TARBP1: variants seen among roughly 807,000 people sequenced by gnomAD.
TARBP1 encodes tRNA guanosine 2 -O-methyltransferase TARBP1, also known as tRNA (guanosine(18)-2'-O)-methyltransferase TARBP1.
TARBP1 carries 144 observed loss-of-function variants against 178.6 expected under a neutral mutation model. The observed-to-expected ratio is 0.81, with a 90% CI of 0.70 to 0.93. TARBP1 has a LOEUF of 0.93. Ranked by LOEUF, TARBP1 falls within the 40% of genes least tolerant of loss-of-function variation. TARBP1 has a pLI of 0.00. For synonymous variants in TARBP1, 787 were observed against 781.0 expected (o/e 1.01, Z -0.13); for missense variants, 2,067 against 2,011.7 (o/e 1.03, Z -0.53).
Position 234,401,449 on chromosome 1 carries a change from A to C in TARBP1, c.3990-187T>G, listed in dbSNP as rs146798381. ...ATACTTTAAAAACTGACACTTAATA[A>C]ATTTCACATTTTGAAATGGAACCTT... On this transcript the variant is annotated intron_variant, in intron 24 of 29. Coordinates refer to ENST00000040877, the MANE Select transcript of TARBP1 (RefSeq NM_005646.4). 1.8e-3 allele frequency among the ~76,000 whole-genome samples: 271 copies of C among 152,298 alleles called. 2 individuals carry two copies. Among genetic ancestry groups the C allele is most frequent in the African/African-American group, 6.2e-3 (259 of 41,572 alleles).
chr1:234,401,107 T>C, intron 25 of TARBP1, 74 bp downstream of exon 25: 1 of 1,293,502 alleles, frequency 7.7e-7, no homozygotes, highest in Non-Finnish European at 1.1e-6. Context: ...ATCACAACCC[T>C]TCAACAAAAG....
At chr1:234,477,402 T>C (rs1571901333) in intron 1 of TARBP1, among the ~76,000 whole-genome samples, 2 of 152,362 alleles carry the variant, frequency 1.3e-5, no homozygotes, top group East Asian at 1.9e-4. Context: ...TTACCTGTAA[T>C]AAATGGTCAG....
Position 234,405,844 on chromosome 1 carries a change from C to T in TARBP1, c.3989+59G>A, listed in dbSNP as rs1196013359. The T allele has an allele frequency of 5.9e-6, 9 of 1,514,478 alleles. No homozygotes were observed. In the East Asian group the frequency reaches 1.6e-4, roughly 27 times the overall value. 93.8% of individuals were successfully genotyped at this position (1,514,478 alleles called of 1,614,324 possible). On this transcript the variant is annotated intron_variant, in intron 24 of 29. Transcript: ENST00000040877. ...GCTGACACAGTATGGGCACTGCCCC[C>T]TCCCTGTGGGCCCTGCTGGAGGAGA...
At chr1:234,446,219 T>C (rs1003809790) in intron 12 of TARBP1, among the ~76,000 whole-genome samples, 8 of 152,222 alleles carry the variant, frequency 5.3e-5, no homozygotes, top group African/African-American at 2.4e-5. Flanking sequence ...CTCTCATCTC[T>C]GATGTCTACG....
chr1:234,402,071 T>C (rs1459739928), intron 24 of TARBP1, among the ~76,000 whole-genome samples: 5 of 152,200 alleles, frequency 3.3e-5, no homozygotes, highest in Non-Finnish European at 7.3e-5. Context: ...CCTTCAGCCT[T>C]TTCAAAAGGG....
rs542563575 is a variant in TARBP1 at position 234,403,434 on chromosome 1, C to T, written c.3990-2172G>A. Among the ~76,000 whole-genome samples, 5 of 152,306 alleles carry T rather than the reference C, an allele frequency of 3.3e-5. 1 individual carries two copies. In the South Asian group the frequency reaches 1.0e-3, roughly 32 times the overall value. On this transcript the variant is annotated intron_variant, in intron 24 of 29. Transcript: ENST00000040877. ...AACAGTCTGTATTTCCTCATCACCA[C>T]ATTTACTTTTCTGTGATTTATTTTA...
intron 20 of TARBP1, among the ~76,000 whole-genome samples, chr1:234,423,339 T>G (rs1421203593): frequency 6.6e-6 from 1 of 152,160 alleles, no homozygotes; most frequent in Admixed American, 6.5e-5. Flanking sequence ...TTTCCCTCTC[T>G]ACTGCACCAC....
chr1:234,464,823 T>C (rs1264460508), intron 5 of TARBP1, among the ~76,000 whole-genome samples: 3 of 152,210 alleles, frequency 2.0e-5, no homozygotes, highest in Non-Finnish European at 2.9e-5. Flanking sequence ...AGGGAAATTT[T>C]TGAAGACAGA....
chr1:234,406,716 G>A (rs1024934827), intron 23 of TARBP1: 1 of 152,288 alleles, frequency 6.6e-6, no homozygotes, highest in Admixed American at 6.5e-5. Flanking sequence ...TTCACAGCCT[G>A]GAGATGTCAA....
chr1:234,394,577 T>C (rs1659724126), intron 26 of TARBP1, among the ~76,000 whole-genome samples: 1 of 152,150 alleles, frequency 6.6e-6, no homozygotes, highest in African/African-American at 2.4e-5. Flanking sequence ...AAGGGGTTAC[T>C]AATGTCTAGG....
At position 234,410,474 on chromosome 1, in the gene TARBP1, C is replaced by G; in HGVS notation, c.3763G>C (p.Asp1255His). 6.6e-7 allele frequency: 1 copy of G among 1,519,324 alleles called. No individual in the cohort carries two copies. The highest frequency in any genetic ancestry group is 9.0e-7 in the Non-Finnish European group (1 of 1,108,192). 94.1% of individuals were successfully genotyped at this position (1,519,324 alleles called of 1,614,324 possible). A position where few individuals can be genotyped will look rare whatever the true frequency, so the allele number is the denominator to read the frequency against. Reference protein sequence around the residue: ...CTFLAVLSHLDIITQNIPEKK... With the variant: ...CTFLAVLSHLHIITQNIPEKK... The stretch of plus-strand genomic sequence containing the variant: ...TCTGGAATATTTTGAGTAATAATGT[C>G]TAAATGTGATAAAACTGCTAAAAAC... Residue 1255 changes from aspartate (D) to histidine (H), a missense_variant, in exon 23 of 30, where the codon GAC becomes CAC. Asp to His is a moderately conservative substitution (Grantham distance 81, BLOSUM62 -1). Transcript: ENST00000040877.
Position 234,457,758 on chromosome 1 carries a change from TG to T in TARBP1, c.1633-3del. On this transcript the variant is annotated splice_polypyrimidine_tract_variant and splice_region_variant and intron_variant, in intron 8 of 29. Transcript: ENST00000040877. Reference sequence around the variant, plus strand: ...GACATCAGAAAGTGACACTTTCTCCTGGGCAGGGCAGGAAAGGTTTTAAAAA... The same window carrying T: ...GACATCAGAAAGTGACACTTTCTCCTGGCAGGGCAGGAAAGGTTTTAAAAA... 6.2e-7 allele frequency: 1 copy of T among 1,604,348 alleles called. No homozygotes were observed. Among genetic ancestry groups the T allele is most frequent in the Non-Finnish European group, 8.5e-7 (1 of 1,175,120 alleles).
At chr1:234,451,434 CA>C (rs1351878294) in intron 9 of TARBP1, among the ~76,000 whole-genome samples, 1 of 152,160 alleles carries the variant, frequency 6.6e-6, no homozygotes, top group African/African-American at 2.4e-5. Flanking sequence ...AGGAAGAATA[CA>C]TCACCTGACC....
At position 234,418,149 on chromosome 1, in the gene TARBP1, T is replaced by A; in HGVS notation, c.3640A>T (p.Ile1214Phe). 1.3e-6 allele frequency: 2 copies of A among 1,532,108 alleles called. No individual in the cohort carries two copies. Among genetic ancestry groups the A allele is most frequent in the Non-Finnish European group, 1.7e-6 (2 of 1,143,054 alleles). 94.9% of individuals were successfully genotyped at this position (1,532,108 alleles called of 1,614,324 possible). A position where few individuals can be genotyped will look rare whatever the true frequency, so the allele number is the denominator to read the frequency against. Reference protein sequence around the residue: ...QASIKYFIEWIIILILHKFPQ... With the variant: ...QASIKYFIEWFIILILHKFPQ... ...AATTTATGAAGAATCAATATAATAA[T>A]CCATTCTATAAAATATTTTATGGAT... The change falls in exon 22 of 30, where the codon ATT (isoleucine) becomes TTT (phenylalanine). Residue 1214 changes from isoleucine (I) to phenylalanine (F), a missense_variant. Transcript: ENST00000040877.
At chr1:234,437,411 A>G in intron 12 of TARBP1, 39 bp from the exon 13 acceptor site, 1 of 1,089,708 alleles carries the variant, frequency 9.2e-7, no homozygotes, top group Non-Finnish European at 1.3e-6. Flanking sequence ...AAATGACAGC[A>G]GTTCTTTGGT....
Position 234,450,294 on chromosome 1 carries a change from T to C in TARBP1, c.1861+134A>G, listed in dbSNP as rs1027560019. The C allele has an allele frequency of 1.3e-5, 8 of 613,854 alleles. No individual in the cohort carries two copies. The African/African-American group carries it at 1.6e-4, about 12-fold the overall frequency. 38.0% of individuals were successfully genotyped at this position (613,854 alleles called of 1,614,324 possible). A position where few individuals can be genotyped will look rare whatever the true frequency, so the allele number is the denominator to read the frequency against. On this transcript the variant is annotated intron_variant, in intron 10 of 29. Coordinates refer to ENST00000040877, the MANE Select transcript of TARBP1 (RefSeq NM_005646.4). Reference sequence around the variant, plus strand: ...TCTTTACTTTTTTTTCACATTATTTTACTGAAATACAAGTTTGGCATCAAT... The same window carrying C: ...TCTTTACTTTTTTTTCACATTATTTCACTGAAATACAAGTTTGGCATCAAT...
intron 1 of TARBP1, among the ~76,000 whole-genome samples, chr1:234,475,895 G>A (rs1429742474): frequency 6.6e-6 from 1 of 152,190 alleles, no homozygotes; most frequent in East Asian, 1.9e-4. Context: ...AAAGTGCACT[G>A]AAAACAAATA....
Position 234,430,106 on chromosome 1 carries a change from G to C in TARBP1, c.2590C>G (p.His864Asp). Residue 864 changes from histidine (H) to aspartate (D), a missense_variant, in exon 15 of 30, where the codon CAC becomes GAC. Transcript: ENST00000040877. Reference protein sequence around the residue: ...PHAEEQSSYAHPLECSSVLEE... With the variant: ...PHAEEQSSYADPLECSSVLEE... Reference sequence around the variant, plus strand: ...CTGTACCTGCTGCACTCCAAGGGGTGAGCATAACTGCTCTGCTCCTCTGCG... The same window carrying C: ...CTGTACCTGCTGCACTCCAAGGGGTCAGCATAACTGCTCTGCTCCTCTGCG... 1 of 1,613,550 alleles carries C rather than the reference G, an allele frequency of 6.2e-7. No individual in the cohort carries two copies. The highest frequency in any genetic ancestry group is 1.1e-5 in the South Asian group (1 of 91,056).
Position 234,479,081 on chromosome 1 carries a change from G to A in TARBP1, c.23C>T (p.Ala8Val), listed in dbSNP as rs747077586. 5.2e-6 allele frequency: 8 copies of A among 1,538,850 alleles called. No individual in the cohort carries two copies. Among genetic ancestry groups the A allele is most frequent in the East Asian group, 2.7e-5 (1 of 37,372 alleles). Residue 8 changes from alanine to valine, a missense_variant, in exon 1 of 30, where the codon GCG becomes GTG. Transcript: ENST00000040877. ...GGGGTCCCGGCTCTGCGAGAGCAGC[G>A]CTTCCGCGAGCACCCACTCCATTTG... Reference protein sequence around the residue: MEWVLAEALLSQSRDPRA... With the variant: MEWVLAEVLLSQSRDPRA...
Sources: gnomAD v4.1 joint callset for allele counts (sites outside exome capture counted in the v4.1 genomes callset) on GRCh38, gnomAD v4.1.1 for gene constraint, MANE v1.5 for transcripts, NCBI Gene and HGNC (gene_info 2026-07-23, HGNC 2026-07-21) for gene names.